The following CSMD3 variants were observed in gnomAD, a reference collection of about 807,000 sequenced individuals.
CSMD3 encodes CUB and sushi domain-containing protein 3.
CSMD3 carries 177 observed loss-of-function variants against 435.2 expected under a neutral mutation model. That is an observed-to-expected ratio of 0.41 (90% CI 0.36 to 0.46). The LOEUF (loss-of-function observed/expected upper bound fraction) is 0.46. Ranked by LOEUF, CSMD3 falls within the 20% of genes least tolerant of loss-of-function variation. The pLI is 0.34. For synonymous variants in CSMD3, 1,656 were observed against 1,520.5 expected (o/e 1.09, Z -2.07); for missense variants, 4,265 against 4,504.6 (o/e 0.95, Z 1.52).
chr8:112,836,718 C>T (rs139336423), intron 11 of CSMD3, among the ~76,000 whole-genome samples: 19 of 151,852 alleles, frequency 1.3e-4, no homozygotes, highest in Admixed American at 5.9e-4. Flanking sequence ...TTTCTGTGTG[C>T]GTGGGGCTTG....
chr8:112,794,715 G>A (rs1037504662), intron 13 of CSMD3, among the ~76,000 whole-genome samples: 1 of 151,998 alleles, frequency 6.6e-6, no homozygotes, highest in Admixed American at 6.6e-5. Flanking sequence ...AGTACAAAAA[G>A]AAAGAACTGC....
chr8:112,393,376 C>T (rs1029890480), intron 35 of CSMD3, among the ~76,000 whole-genome samples: 4 of 152,168 alleles, frequency 2.6e-5, no homozygotes, highest in Non-Finnish European at 5.9e-5. Context: ...CATCTATGGA[C>T]TTTCAGTGTG....
rs546927152 is a variant in CSMD3 at position 113,210,682 on chromosome 8, A to T, written c.515-36766T>A. 3.0e-4 allele frequency among the ~76,000 whole-genome samples: 45 copies of T among 152,164 alleles called. No homozygotes were observed. In the South Asian group the frequency reaches 7.5e-3, roughly 25 times the overall value. On this transcript the variant is annotated intron_variant, in intron 3 of 70. Coordinates refer to ENST00000297405, the MANE Select transcript of CSMD3 (RefSeq NM_198123.2). ...CACCTGAGGTCAGGAGTTCGAGACC[A>T]GCCTGGCCAACATGGTGAAACCCCG...
chr8:112,376,231 C>T (rs897317035), intron 38 of CSMD3, among the ~76,000 whole-genome samples: 3 of 152,086 alleles, frequency 2.0e-5, no homozygotes, highest in African/African-American at 7.2e-5. Context: ...TTCTACTAGA[C>T]TCTTCAAAGA....
intron 2 of CSMD3, among the ~76,000 whole-genome samples, chr8:113,298,616 C>T (rs967716419): frequency 3.3e-5 from 5 of 152,064 alleles, no homozygotes; most frequent in Non-Finnish European, 1.5e-5. Context: ...CATCCAAAGA[C>T]AAGAGAAGAA....
At chr8:113,390,375 T>G (rs1027364705) in intron 1 of CSMD3, among the ~76,000 whole-genome samples, 10 of 151,856 alleles carry the variant, frequency 6.6e-5, no homozygotes, top group Non-Finnish European at 1.5e-5. Flanking sequence ...TCCTAACTTC[T>G]TAAATTGAAG....
intron 3 of CSMD3, among the ~76,000 whole-genome samples, chr8:113,266,491 T>C (rs754897145): frequency 6.6e-6 from 1 of 151,514 alleles, no homozygotes; most frequent in Admixed American, 6.6e-5. Context: ...ATTTCTAAAA[T>C]GTATACAGTT....
chr8:112,573,393 T>A (rs536749321), intron 24 of CSMD3, 108 bp downstream of exon 24: 1 of 989,708 alleles, frequency 1.0e-6, no homozygotes, highest in South Asian at 1.3e-5. Flanking sequence ...AAAGGAGCTG[T>A]AAATTAATAA....
chr8:113,157,678 T>G (rs951049166), intron 4 of CSMD3, among the ~76,000 whole-genome samples: 4 of 152,140 alleles, frequency 2.6e-5, no homozygotes, highest in African/African-American at 9.7e-5. Context: ...TGTTTGCATT[T>G]CACATTTCAG....
chr8:113,000,370 G>A (rs894256331), intron 6 of CSMD3, among the ~76,000 whole-genome samples: 5 of 152,004 alleles, frequency 3.3e-5, no homozygotes, highest in South Asian at 2.1e-4. Context: ...AGAACAGAAA[G>A]GCTTTCAGAG....
intron 35 of CSMD3, 68 bp downstream of exon 35, chr8:112,406,455 AT>A (rs1457087710): frequency 2.1e-6 from 2 of 973,664 alleles, no homozygotes; most frequent in Non-Finnish European, 3.1e-6. Flanking sequence ...AATTTAAAAA[AT>A]TGAAAGATGT....
In CSMD3 at chr8:113,142,355, C is replaced by T. The variant is rs191502657; in HGVS notation, c.709+31367G>A. 4.6e-5 allele frequency among the ~76,000 whole-genome samples: 7 copies of T among 151,282 alleles called. No homozygotes were observed. The East Asian group carries it at 1.4e-3, about 29-fold the overall frequency. ...AGAATTAAATGGATGAATTGTTCTA[C>T]TCAATTTCAAGTCATGTGATATAGC... On this transcript the variant is annotated intron_variant, in intron 4 of 70. Coordinates refer to ENST00000297405, the MANE Select transcript of CSMD3 (RefSeq NM_198123.2).
At chr8:113,408,005 C>T (rs1006789983) in intron 1 of CSMD3, among the ~76,000 whole-genome samples, 2 of 152,152 alleles carry the variant, frequency 1.3e-5, no homozygotes, top group Middle Eastern at 3.4e-3. Context: ...AAACAATCAA[C>T]CAGAGCTACT....
intron 49 of CSMD3, among the ~76,000 whole-genome samples, chr8:112,311,711 C>T (rs1275416684): frequency 2.6e-5 from 4 of 152,168 alleles, no homozygotes; most frequent in Non-Finnish European, 5.9e-5. Context: ...TATTATGATA[C>T]AAATTGCCAA....
intron 1 of CSMD3, among the ~76,000 whole-genome samples, chr8:113,331,033 T>G (rs1258674239): frequency 6.6e-6 from 1 of 151,744 alleles, no homozygotes; most frequent in Non-Finnish European, 1.5e-5. Context: ...ATGTTGATTC[T>G]TTGAAAAGAT....
chr8:112,427,926 T>A (rs1813250704), intron 32 of CSMD3, among the ~76,000 whole-genome samples: 1 of 152,156 alleles, frequency 6.6e-6, no homozygotes, highest in Non-Finnish European at 1.5e-5. Context: ...TTCTCCACAC[T>A]TTTATGGAAG....
At chr8:112,478,807 C>G (rs1424667587) in intron 31 of CSMD3, among the ~76,000 whole-genome samples, 6 of 152,184 alleles carry the variant, frequency 3.9e-5, no homozygotes, top group African/African-American at 1.2e-4. Context: ...TTCCTGTTCG[C>G]CTGCCCTTTC....
intron 45 of CSMD3, among the ~76,000 whole-genome samples, chr8:112,330,807 C>T (rs1223204347): frequency 6.6e-6 from 1 of 152,022 alleles, no homozygotes; most frequent in East Asian, 1.9e-4. Flanking sequence ...TAAATATAAT[C>T]TATTCATGAG....
intron 10 of CSMD3, among the ~76,000 whole-genome samples, chr8:112,862,380 T>C (rs565291994): frequency 5.3e-5 from 8 of 152,146 alleles, no homozygotes; most frequent in African/African-American, 1.2e-4. Flanking sequence ...TCAGTACATA[T>C]AGGTTTTTTT....
Sources: allele counts gnomAD v4.1 joint callset (sites outside exome capture counted in the v4.1 genomes callset), GRCh38; gene constraint gnomAD v4.1.1; transcripts MANE v1.5; gene names NCBI Gene and HGNC (gene_info 2026-07-23, HGNC 2026-07-21).